MARCHF1: variants seen among roughly 807,000 people sequenced by gnomAD.
The protein encoded by MARCHF1 is E3 ubiquitin-protein ligase MARCHF1.
A neutral mutation model predicts 54.2 loss-of-function variants in MARCHF1; 40 were observed. The observed-to-expected ratio is 0.74, with a 90% confidence interval of 0.57 to 0.96. The LOEUF (loss-of-function observed/expected upper bound fraction) is 0.96. Among genes scored for constraint, MARCHF1 ranks in the 40% least tolerant of loss-of-function variants. The pLI is 0.00. For synonymous variants in MARCHF1, 236 were observed against 236.3 expected, an observed-to-expected ratio of 1.00 and a Z score of 0.01; for missense variants, 586 against 656.5, an observed-to-expected ratio of 0.89 and a Z score of 1.17.
At chr4:163,784,544 C>G (rs1310347597) in intron 4 of MARCHF1, among the ~76,000 whole-genome samples, 1 of 152,008 alleles carries the variant, frequency 6.6e-6, no homozygotes, top group Admixed American at 6.6e-5. Context: ...CATGGAGCAC[C>G]AGGACAATTT....
At chr4:163,743,209 G>A (rs549368572) in intron 4 of MARCHF1, among the ~76,000 whole-genome samples, 5 of 152,232 alleles carry the variant, frequency 3.3e-5, no homozygotes, top group African/African-American at 1.2e-4. Context: ...GACTAACACT[G>A]GGCATTCACT....
At chr4:164,194,061 T>C (rs1025765315) in intron 1 of MARCHF1, among the ~76,000 whole-genome samples, 1 of 152,108 alleles carries the variant, frequency 6.6e-6, no homozygotes, top group Non-Finnish European at 1.5e-5. Flanking sequence ...ACCAGAATCA[T>C]CACCACATAA....
At chr4:164,308,969 A>G (rs1039452592) in intron 1 of MARCHF1, among the ~76,000 whole-genome samples, 3 of 152,010 alleles carry the variant, frequency 2.0e-5, no homozygotes, top group Non-Finnish European at 4.4e-5. Context: ...AAGTTAAAAA[A>G]AAAAAAAAAG....
intron 7 of MARCHF1, among the ~76,000 whole-genome samples, chr4:163,598,547 C>T (rs941484699): frequency 1.3e-5 from 2 of 152,190 alleles, no homozygotes; most frequent in African/African-American, 4.8e-5. Context: ...ACCTGTACAA[C>T]ATGTTACTGT....
chr4:163,784,021 C>T (rs1209174998), intron 4 of MARCHF1, among the ~76,000 whole-genome samples: 5 of 152,122 alleles, frequency 3.3e-5, no homozygotes, highest in East Asian at 3.8e-4. Context: ...ACTACATAAA[C>T]AGTAGTTCAT....
intron 5 of MARCHF1, among the ~76,000 whole-genome samples, chr4:163,673,616 A>G (rs1293063993): frequency 6.6e-6 from 1 of 152,162 alleles, no homozygotes; most frequent in East Asian, 1.9e-4. Context: ...AGATGTTGTA[A>G]CATCTAAATA....
chr4:163,956,855 ACTGT>A (rs1325872399), intron 3 of MARCHF1, among the ~76,000 whole-genome samples: 3 of 152,088 alleles, frequency 2.0e-5, no homozygotes, highest in African/African-American at 4.8e-5. Flanking sequence ...AGCGAAACTT[ACTGT>A]GATAGTTATA....
chr4:163,779,257 T>C (rs1332311324), intron 4 of MARCHF1, among the ~76,000 whole-genome samples: 3 of 152,172 alleles, frequency 2.0e-5, no homozygotes, highest in Non-Finnish European at 2.9e-5. Flanking sequence ...TTTAGTCACA[T>C]AGAATCACAC....
At chr4:163,939,296 T>C (rs1751862072) in intron 3 of MARCHF1, among the ~76,000 whole-genome samples, 1 of 152,218 alleles carries the variant, frequency 6.6e-6, no homozygotes, top group South Asian at 2.1e-4. Context: ...CCTCATCTGT[T>C]ATTCTTCAGC....
chr4:163,869,455 G>C (rs142630232), intron 3 of MARCHF1, among the ~76,000 whole-genome samples: 5 of 152,180 alleles, frequency 3.3e-5, no homozygotes, highest in African/African-American at 7.2e-5. Context: ...GTCCTGACCT[G>C]AGAGACTGCA....
intron 7 of MARCHF1, 50 bp from the exon 8 acceptor site, chr4:163,585,979 C>T (rs759897322): frequency 1.5e-5 from 22 of 1,512,360 alleles, no homozygotes; most frequent in Admixed American, 2.0e-5. Flanking sequence ...GAACATTTCT[C>T]GCCTGTGTTA....
intron 1 of MARCHF1, among the ~76,000 whole-genome samples, chr4:164,134,675 C>G (rs150170958): frequency 1.0e-3 from 155 of 152,120 alleles, no homozygotes; most frequent in African/African-American, 3.5e-3. Flanking sequence ...ACATTTGCTT[C>G]CAAGGAGGAG....
At chr4:164,351,808 A>C (rs548628295) in intron 1 of MARCHF1, among the ~76,000 whole-genome samples, 3 of 151,994 alleles carry the variant, frequency 2.0e-5, no homozygotes, top group South Asian at 2.1e-4. Context: ...CGATCAAATT[A>C]CTCTGAGCTA....
chr4:164,298,458 A>T (rs1579699797), intron 1 of MARCHF1, among the ~76,000 whole-genome samples: 1 of 152,028 alleles, frequency 6.6e-6, no homozygotes, highest in Admixed American at 6.5e-5. Context: ...ATTTAAAGTA[A>T]CCCATTACAA....
In MARCHF1 at chr4:163,528,770, G is replaced by A. The variant is rs759057102; in HGVS notation, c.1616C>T (p.Pro539Leu). Residue 539 changes from proline (P) to leucine (L), a missense_variant, in exon 10 of 10, where the codon CCC becomes CTC. Physicochemically the swap from Pro to Leu is moderately conservative, Grantham distance 98. Around this residue, in one of 3 missense-constraint regions of MARCHF1, gnomAD observed 106 missense variants for 93.8 expected, o/e 1.13. Transcript: ENST00000514618. ...CCATCAGACTGATACAACTTCAGGG[G>A]GGCCACCCTCTGCAGATGGCAGTGA... ...ANSLPSAEGGPPEVVSV is the reference protein window; with the variant it reads ...ANSLPSAEGGLPEVVSV 2 of 1,612,124 alleles carry A rather than the reference G, an allele frequency of 1.2e-6. No homozygotes were observed. The highest frequency in any genetic ancestry group is 1.7e-5 in the Admixed American group (1 of 59,868).
At chr4:163,758,986 G>C (rs1389703) in intron 4 of MARCHF1, among the ~76,000 whole-genome samples, 6,020 of 152,136 alleles carry the variant, frequency 0.04, 395 homozygotes, top group African/African-American at 0.14. Context: ...TAGAGTTCTA[G>C]ATACTAGAGT....
At chr4:164,261,768 T>C (rs1344839747) in intron 1 of MARCHF1, among the ~76,000 whole-genome samples, 2 of 152,134 alleles carry the variant, frequency 1.3e-5, no homozygotes, top group Non-Finnish European at 2.9e-5. Context: ...TGTATTTTAT[T>C]TTTTCATGGT....
chr4:163,909,255 A>G (rs1474426887), intron 3 of MARCHF1, among the ~76,000 whole-genome samples: 1 of 152,174 alleles, frequency 6.6e-6, no homozygotes, highest in Non-Finnish European at 1.5e-5. Context: ...GCAATAATAG[A>G]AACAGTAAGT....
At chr4:163,635,346 G>A (rs893399674) in intron 5 of MARCHF1, among the ~76,000 whole-genome samples, 41 of 151,108 alleles carry the variant, frequency 2.7e-4, no homozygotes, top group African/African-American at 5.6e-4. Context: ...TTGATAGACC[G>A]CTAGCAAGAC....
Sources: allele counts gnomAD v4.1 joint callset (sites outside exome capture counted in the v4.1 genomes callset), GRCh38; gene constraint gnomAD v4.1.1; regional missense constraint gnomAD v4.1.1; transcripts MANE v1.5; gene names NCBI Gene and HGNC (gene_info 2026-07-23, HGNC 2026-07-21).